TRIM44: variants seen among roughly 807,000 people sequenced by gnomAD.
TRIM44 encodes the protein tripartite motif containing 44.
In TRIM44, 13 loss-of-function variants were observed where a neutral mutation model predicts 37.4. That is an observed-to-expected ratio of 0.35 (90% CI 0.23 to 0.55). The LOEUF is 0.55. TRIM44 is among the 20% of genes least tolerant of loss of function. The probability of loss-of-function intolerance (pLI) is 0.89; values close to 1 mark genes in which losing one functional copy is unlikely to be tolerated. For missense variants in TRIM44, 426 were observed against 437.2 expected (o/e 0.97, Z 0.23); for synonymous variants, 175 against 157.2 (o/e 1.11, Z -0.85).
Position 35,696,692 on chromosome 11 carries a change from CA to C in TRIM44, c.747+11361del, listed in dbSNP as rs1348565691. ...TGAAACCCCATCTCTACTAAAAATA[CA>C]AAAATTAGCTGGGCATCATGGTGCA... On this transcript the variant is annotated intron_variant, in intron 2 of 4. Coordinates refer to ENST00000299413, the MANE Select transcript of TRIM44 (RefSeq NM_017583.6). 2.6e-5 allele frequency among the ~76,000 whole-genome samples: 4 copies of C among 151,418 alleles called. No homozygotes were observed. In the East Asian group the frequency reaches 7.9e-4, roughly 30 times the overall value.
At chr11:35,723,524 C>T (rs935809341) in intron 2 of TRIM44, among the ~76,000 whole-genome samples, 12 of 152,186 alleles carry the variant, frequency 7.9e-5, no homozygotes, top group African/African-American at 2.6e-4. Flanking sequence ...TTTTGTAAAG[C>T]GGATTATTTT....
chr11:35,714,266 G>C (rs190603629), intron 2 of TRIM44, among the ~76,000 whole-genome samples: 8 of 152,242 alleles, frequency 5.3e-5, no homozygotes, highest in Admixed American at 5.2e-4. Flanking sequence ...GGTTCTGTGT[G>C]CCCGGAGAGC....
At chr11:35,735,905 A>G (rs987840063) in intron 4 of TRIM44, among the ~76,000 whole-genome samples, 10 of 152,218 alleles carry the variant, frequency 6.6e-5, no homozygotes, top group African/African-American at 2.4e-4. Context: ...CCTAGGGTAC[A>G]GGTATACAAA....
rs778481188 is a variant in TRIM44, at chr11:35,735,413, G to GT, written c.988-10dup. ...GTGATTTCTAATACTGTTTCTTTCT[G>GT]TTTGTCTTTCAGGGCGATGAGGAAG... On this transcript the variant is annotated splice_polypyrimidine_tract_variant and intron_variant, in intron 3 of 4. Coordinates refer to ENST00000299413, the MANE Select transcript of TRIM44 (RefSeq NM_017583.6). 7.4e-6 allele frequency: 12 copies of GT among 1,613,546 alleles called. No homozygotes were observed. The South Asian group carries it at 1.2e-4, about 16-fold the overall frequency.
chr11:35,668,587 C>G (rs889448122), intron 1 of TRIM44, among the ~76,000 whole-genome samples: 4 of 152,324 alleles, frequency 2.6e-5, no homozygotes, highest in African/African-American at 9.6e-5. Context: ...GGTATATGTA[C>G]CACATTTTCT....
At chr11:35,737,037 A>G (rs1054962972) in intron 4 of TRIM44, among the ~76,000 whole-genome samples, 18 of 152,282 alleles carry the variant, frequency 1.2e-4, no homozygotes, top group African/African-American at 4.3e-4. Flanking sequence ...ATGTGTTCTG[A>G]TAAGTTTAGG....
intron 2 of TRIM44, among the ~76,000 whole-genome samples, chr11:35,716,153 A>C (rs1444205245): frequency 2.6e-5 from 4 of 152,222 alleles, no homozygotes; most frequent in Non-Finnish European, 1.5e-5. Flanking sequence ...GGGAGTGAAG[A>C]GCACATATAA....
chr11:35,775,578 C>G (rs1852945235), intron 4 of TRIM44, among the ~76,000 whole-genome samples: 1 of 152,146 alleles, frequency 6.6e-6, no homozygotes, highest in African/African-American at 2.4e-5. Context: ...CCAGTTTTTG[C>G]CCATTCAGTA....
intron 2 of TRIM44, among the ~76,000 whole-genome samples, chr11:35,692,862 G>T (rs1851652588): frequency 6.6e-6 from 1 of 151,748 alleles, no homozygotes; most frequent in Non-Finnish European, 1.5e-5. Flanking sequence ...GGCAGAGCTT[G>T]CAGTGAGCCG....
intron 2 of TRIM44, among the ~76,000 whole-genome samples, chr11:35,689,860 A>G (rs1851620875): frequency 6.6e-6 from 1 of 152,150 alleles, no homozygotes; most frequent in Admixed American, 6.5e-5. Flanking sequence ...GCTCAATCAA[A>G]CTAACCTCTT....
chr11:35,808,643 A>G lies in TRIM44; in HGVS notation c.*2258A>G, dbSNP rs1302022494. 1 of 152,178 alleles carries G rather than the reference A, an allele frequency of 6.6e-6. No homozygotes were observed. The highest frequency in any genetic ancestry group is 1.5e-5 in the Non-Finnish European group (1 of 68,014). 9.4% of individuals were successfully genotyped at this position (152,178 alleles called of 1,614,324 possible). ...AACTTATCATATCTCTGTGATCCTC[A>G]AGGAAAGCACTTTTGCTTTTACTTA... On this transcript the variant is annotated 3_prime_UTR_variant, in exon 5 of 5. Coordinates refer to ENST00000299413, the MANE Select transcript of TRIM44 (RefSeq NM_017583.6).
At chr11:35,679,180 G>A (rs574179073) in intron 1 of TRIM44, among the ~76,000 whole-genome samples, 89 of 152,178 alleles carry the variant, frequency 5.8e-4, no homozygotes, top group African/African-American at 2.0e-3. Flanking sequence ...TTGCTGACAC[G>A]TGACTTTTCT....
At chr11:35,735,508 T>C in intron 4 of TRIM44, 63 bp downstream of exon 4, 4 of 1,526,524 alleles carry the variant, frequency 2.6e-6, no homozygotes, top group Non-Finnish European at 3.6e-6. Flanking sequence ...TGTGGCCTTT[T>C]AGTGCTCCAT....
At chr11:35,756,703 T>G (rs1436273714) in intron 4 of TRIM44, among the ~76,000 whole-genome samples, 1 of 151,982 alleles carries the variant, frequency 6.6e-6, no homozygotes, top group South Asian at 2.1e-4. Flanking sequence ...TTATTGAGAG[T>G]TTTTAGCATG....
intron 4 of TRIM44, among the ~76,000 whole-genome samples, chr11:35,798,506 T>C (rs959489885): frequency 6.6e-6 from 1 of 152,158 alleles, no homozygotes; most frequent in African/African-American, 2.4e-5. Context: ...ATCTTTGCAA[T>C]TTTTTGGTAA....
chr11:35,724,208 G>A (rs1269533330), intron 2 of TRIM44: 3 of 152,202 alleles, frequency 2.0e-5, no homozygotes, highest in South Asian at 4.1e-4. Flanking sequence ...GTTTCTAAGG[G>A]GCTAATTAAA....
At chr11:35,754,926 C>T (rs1852612940) in intron 4 of TRIM44, among the ~76,000 whole-genome samples, 3 of 152,152 alleles carry the variant, frequency 2.0e-5, no homozygotes, top group Non-Finnish European at 4.4e-5. Flanking sequence ...TGGATTGGTT[C>T]CAAGTCTTTG....
At chr11:35,715,808 T>G (rs1428288063) in intron 2 of TRIM44, among the ~76,000 whole-genome samples, 1 of 151,700 alleles carries the variant, frequency 6.6e-6, no homozygotes, top group Non-Finnish European at 1.5e-5. Context: ...TTGTGGAAGG[T>G]GAAGAGGAAG....
chr11:35,725,270 G>T (rs2135515554), intron 2 of TRIM44, among the ~76,000 whole-genome samples: 1 of 152,152 alleles, frequency 6.6e-6, no homozygotes, highest in South Asian at 2.1e-4. Flanking sequence ...TAACTATATA[G>T]AAAAATGGCT....
Sources: gnomAD v4.1 joint callset for allele counts (sites outside exome capture counted in the v4.1 genomes callset) on GRCh38, gnomAD v4.1.1 for gene constraint, MANE v1.5 for transcripts, NCBI Gene and HGNC (gene_info 2026-07-23, HGNC 2026-07-21) for gene names.